REDIC1: variants seen among roughly 807,000 people sequenced by gnomAD.
The protein encoded by REDIC1 is regulator of DNA class I crossover intermediates 1.
chr12:39,795,437 T>C, the REDIC1 span, among the ~76,000 whole-genome samples: 1 of 152,212 alleles, frequency 6.6e-6, no homozygotes. Context: ...TTAAATATCT[T>C]AAACACAGTG....
At chr12:39,770,274 T>C in the REDIC1 span, among the ~76,000 whole-genome samples, 3 of 152,098 alleles carry the variant, frequency 2.0e-5, no homozygotes, top group African/African-American at 7.2e-5. Flanking sequence ...ACTGATGGAA[T>C]TTAGGTACCT....
chr12:39,675,646 A>G, the REDIC1 span, among the ~76,000 whole-genome samples: 6 of 152,370 alleles, frequency 3.9e-5, no homozygotes, highest in East Asian at 9.6e-4. Context: ...CATAAGCAGC[A>G]TTTGAGAAAA....
the REDIC1 span, among the ~76,000 whole-genome samples, chr12:39,788,194 ATT>A: frequency 6.6e-6 from 1 of 152,136 alleles, no homozygotes; most frequent in Non-Finnish European, 1.5e-5. Context: ...ATGCTGTGTC[ATT>A]TTCCTACATT....
At chr12:39,678,741 T>A in the REDIC1 span, among the ~76,000 whole-genome samples, 1 of 151,104 alleles carries the variant, frequency 6.6e-6, no homozygotes, top group South Asian at 2.1e-4. Flanking sequence ...ATCCAAAAGA[T>A]AATACATCAT....
chr12:39,649,198 A>G, the REDIC1 span, among the ~76,000 whole-genome samples: 1 of 151,906 alleles, frequency 6.6e-6, no homozygotes, highest in African/African-American at 2.4e-5. Flanking sequence ...TAAAAGACTG[A>G]AAAATAGATA....
the REDIC1 span, among the ~76,000 whole-genome samples, chr12:39,657,108 A>C: frequency 6.6e-6 from 1 of 152,298 alleles, no homozygotes; most frequent in East Asian, 1.9e-4. Flanking sequence ...TGACTTACCC[A>C]AAACAACTTT....
the REDIC1 span, among the ~76,000 whole-genome samples, chr12:39,902,385 T>C: frequency 6.6e-6 from 1 of 151,958 alleles, no homozygotes; most frequent in Non-Finnish European, 1.5e-5. Context: ...AAAAGATATG[T>C]ACATACACAT....
chr12:39,847,691 T>C, the REDIC1 span, among the ~76,000 whole-genome samples: 1 of 152,082 alleles, frequency 6.6e-6, no homozygotes, highest in African/African-American at 2.4e-5. Context: ...TTGAGTTTAT[T>C]TCACATGACA....
chr12:39,721,707 T>A, the REDIC1 span: 1 of 152,720 alleles, frequency 6.5e-6, no homozygotes, highest in Non-Finnish European at 1.5e-5. Flanking sequence ...CTCATTATAA[T>A]AATTTTGTTA....
At chr12:39,668,731 T>C in the REDIC1 span, among the ~76,000 whole-genome samples, 1 of 152,232 alleles carries the variant, frequency 6.6e-6, no homozygotes, top group Non-Finnish European at 1.5e-5. Context: ...TAGTCCCATA[T>C]TTCTTGGAGG....
the REDIC1 span, chr12:39,755,357 T>TAC: frequency 6.6e-6 from 1 of 152,070 alleles, no homozygotes; most frequent in Non-Finnish European, 1.5e-5. Flanking sequence ...AATTAAAATA[T>TAC]ACAGTTTGAA....
At chr12:39,626,355 T>A in the REDIC1 span, 1 of 1,613,880 alleles carries the variant, frequency 6.2e-7, no homozygotes, top group Non-Finnish European at 8.5e-7. Flanking sequence ...GGTCGGGGGG[T>A]CCCGGTAAGT....
At chr12:39,709,689 T>C in the REDIC1 span, among the ~76,000 whole-genome samples, 1 of 151,888 alleles carries the variant, frequency 6.6e-6, no homozygotes, top group African/African-American at 2.4e-5. Context: ...TTTTCGTTGC[T>C]GAATAGTATT....
the REDIC1 span, among the ~76,000 whole-genome samples, chr12:39,858,441 T>C: frequency 7.1e-4 from 108 of 152,154 alleles, 1 homozygote; most frequent in African/African-American, 2.6e-3. Context: ...TTATAGGAAA[T>C]TAGTAAGAAA....
chr12:39,731,060 T>A, the REDIC1 span, among the ~76,000 whole-genome samples: 1 of 152,212 alleles, frequency 6.6e-6, no homozygotes, highest in African/African-American at 2.4e-5. Flanking sequence ...CCTCTAACCT[T>A]TTTTCAAGGT....
At chr12:39,896,927 G>A in the REDIC1 span, among the ~76,000 whole-genome samples, 1 of 152,102 alleles carries the variant, frequency 6.6e-6, no homozygotes, top group African/African-American at 2.4e-5. Context: ...ACTTCCCAGA[G>A]AATGAAGTAG....
the REDIC1 span, among the ~76,000 whole-genome samples, chr12:39,712,896 T>TAC: frequency 6.1e-5 from 9 of 146,612 alleles, no homozygotes; most frequent in South Asian, 2.1e-4. Flanking sequence ...TATATGCATA[T>TAC]ACGTGTATAT....
chr12:39,891,771 A>C, the REDIC1 span, among the ~76,000 whole-genome samples: 11 of 152,152 alleles, frequency 7.2e-5, no homozygotes, highest in African/African-American at 2.2e-4. Context: ...CCTAAATCAC[A>C]TTGCTGCTAA....
At chr12:39,718,469 G>A in the REDIC1 span, among the ~76,000 whole-genome samples, 1 of 152,058 alleles carries the variant, frequency 6.6e-6, no homozygotes, top group Non-Finnish European at 1.5e-5. Context: ...TGTTTTCCAG[G>A]CTTTCTTATT....
Sources: allele counts gnomAD v4.1 joint callset (sites outside exome capture counted in the v4.1 genomes callset), GRCh38; gene constraint gnomAD v4.1.1; transcripts MANE v1.5; gene names NCBI Gene and HGNC (gene_info 2026-07-23, HGNC 2026-07-21).